Variants in CADM2 observed in about 807,000 individuals in gnomAD.
The protein encoded by CADM2 is immunoglobulin superfamily member 4D.
CADM2 carries 12 observed loss-of-function variants against 49.8 expected under a neutral mutation model. The observed-to-expected ratio is 0.24, with a 90% CI of 0.15 to 0.39. The LOEUF (loss-of-function observed/expected upper bound fraction) is 0.39. Among genes scored for constraint, CADM2 ranks in the 10% least tolerant of loss-of-function variants. The probability of loss-of-function intolerance (pLI) is 1.00; values close to 1 mark genes in which losing one functional copy is unlikely to be tolerated. For missense variants in CADM2, 378 were observed against 492.3 expected (o/e 0.77, Z 2.20); for synonymous variants, 214 against 175.4 (o/e 1.22, Z -1.74).
intron 1 of CADM2, among the ~76,000 whole-genome samples, chr3:85,034,788 TGC>T (rs368678362): frequency 1.2e-3 from 180 of 145,570 alleles, no homozygotes; most frequent in African/African-American, 4.5e-3. Context: ...AAAGACATTT[TGC>T]TTTTTTTTTT....
chr3:85,203,207 C>A (rs1475036233), intron 1 of CADM2, among the ~76,000 whole-genome samples: 1 of 152,178 alleles, frequency 6.6e-6, no homozygotes, highest in African/African-American at 2.4e-5. Context: ...CAGCTTTCAG[C>A]CTAACTCGGC....
chr3:85,864,872 A>C (rs1009226219), intron 3 of CADM2, among the ~76,000 whole-genome samples: 1 of 152,108 alleles, frequency 6.6e-6, no homozygotes, highest in Non-Finnish European at 1.5e-5. Context: ...TCTTTTTGCT[A>C]TCTTTTTTCT....
At chr3:85,616,079 G>A (rs1430902865) in intron 1 of CADM2, among the ~76,000 whole-genome samples, 1 of 151,990 alleles carries the variant, frequency 6.6e-6, no homozygotes, top group Middle Eastern at 3.4e-3. Flanking sequence ...TGAATTGAAA[G>A]AGCCTCGAGG....
intron 1 of CADM2, among the ~76,000 whole-genome samples, chr3:85,277,708 T>C (rs531357448): frequency 7.3e-5 from 11 of 151,488 alleles, no homozygotes; most frequent in African/African-American, 2.7e-4. Context: ...TGGTGAGACT[T>C]CTCTTATCTG....
In CADM2 at chr3:85,568,445, T is replaced by TTCTCTTTCTCTC. The variant is rs1181706633; in HGVS notation, c.62-158074_62-158073insCTTTCTCTCTCT. Among the ~76,000 whole-genome samples, 11 of 33,082 alleles carry TTCTCTTTCTCTC rather than the reference T, an allele frequency of 3.3e-4. 1 individual carries two copies. Among genetic ancestry groups the TTCTCTTTCTCTC allele is most frequent in the Non-Finnish European group, 4.8e-4 (8 of 16,658 alleles). The allele number at this position is 33,082 out of a possible 152,430, so 21.7% of individuals were successfully genotyped here. A position where few individuals can be genotyped will look rare whatever the true frequency, so the allele number is the denominator to read the frequency against. On this transcript the variant is annotated intron_variant, in intron 1 of 9. Coordinates refer to ENST00000383699, the MANE Select transcript of CADM2 (RefSeq NM_001167675.2). The stretch of plus-strand genomic sequence containing the variant: ...TTTCTTTCTTTCTTTCTTTCTTTCT[T>TTCTCTTTCTCTC]TCTTTCTTTCTTTCTTTCTCTTTCT...
intron 3 of CADM2, among the ~76,000 whole-genome samples, chr3:85,878,404 A>T (rs1226851534): frequency 6.6e-6 from 1 of 152,140 alleles, no homozygotes; most frequent in African/African-American, 2.4e-5. Flanking sequence ...GTTTTTAATT[A>T]GTCAAGGCTG....
chr3:85,697,248 A>C (rs1417140121), intron 1 of CADM2, among the ~76,000 whole-genome samples: 1 of 151,900 alleles, frequency 6.6e-6, no homozygotes, highest in East Asian at 1.9e-4. Flanking sequence ...TCTTTCAGGA[A>C]GTGTCATGAA....
At chr3:85,866,707 A>C (rs1171343554) in intron 3 of CADM2, among the ~76,000 whole-genome samples, 1 of 152,014 alleles carries the variant, frequency 6.6e-6, no homozygotes, top group Non-Finnish European at 1.5e-5. Context: ...TATAAAAAAG[A>C]ATTCAATTTT....
At chr3:85,107,793 C>T (rs531583278) in intron 1 of CADM2, among the ~76,000 whole-genome samples, 8 of 149,112 alleles carry the variant, frequency 5.4e-5, no homozygotes, top group African/African-American at 9.9e-5. Flanking sequence ...TCTTGCCTCT[C>T]GGGTTCAGCC....
intron 1 of CADM2, among the ~76,000 whole-genome samples, chr3:85,509,494 A>G (rs2040513763): frequency 6.6e-6 from 1 of 152,150 alleles, no homozygotes; most frequent in Admixed American, 6.5e-5. Flanking sequence ...AAAAATAGGT[A>G]TACACACAAT....
At chr3:85,589,481 T>A in intron 1 of CADM2, among the ~76,000 whole-genome samples, 1 of 151,990 alleles carries the variant, frequency 6.6e-6, no homozygotes, top group Non-Finnish European at 1.5e-5. Flanking sequence ...ACTCCCTGTC[T>A]CAGAATTGTT....
intron 1 of CADM2, among the ~76,000 whole-genome samples, chr3:85,249,119 GTGT>G (rs2042718826): frequency 6.6e-6 from 1 of 151,978 alleles, no homozygotes; most frequent in Non-Finnish European, 1.5e-5. Context: ...ACAAAATAAG[GTGT>G]TGTTACCAAA....
At chr3:85,509,172 T>C (rs928712407) in intron 1 of CADM2, among the ~76,000 whole-genome samples, 3 of 152,150 alleles carry the variant, frequency 2.0e-5, no homozygotes, top group Non-Finnish European at 4.4e-5. Flanking sequence ...AGAGCTGAAC[T>C]AAAACTTACC....
chr3:85,821,021 G>T (rs942321141), intron 3 of CADM2, among the ~76,000 whole-genome samples: 3 of 152,174 alleles, frequency 2.0e-5, no homozygotes, highest in Admixed American at 2.0e-4. Flanking sequence ...TTGTCCTGCA[G>T]TTACAAGTTG....
At chr3:85,121,683 CTTCA>C (rs1481416115) in intron 1 of CADM2, among the ~76,000 whole-genome samples, 8 of 152,032 alleles carry the variant, frequency 5.3e-5, no homozygotes, top group Non-Finnish European at 8.8e-5. Context: ...TATTACCTAT[CTTCA>C]TTCATCAGTA....
chr3:85,262,778 G>A (rs1364791379), intron 1 of CADM2, among the ~76,000 whole-genome samples: 2 of 151,912 alleles, frequency 1.3e-5, no homozygotes, highest in Non-Finnish European at 2.9e-5. Context: ...TCAAATTTGA[G>A]TTGCCGCATC....
intron 1 of CADM2, among the ~76,000 whole-genome samples, chr3:85,371,034 G>A (rs968297711): frequency 3.9e-5 from 6 of 152,008 alleles, no homozygotes; most frequent in African/African-American, 1.4e-4. Flanking sequence ...GGTGTATAAC[G>A]TGTTGTGTTA....
chr3:86,049,768 A>G (rs1415626801), intron 8 of CADM2, among the ~76,000 whole-genome samples: 1 of 152,084 alleles, frequency 6.6e-6, no homozygotes, highest in African/African-American at 2.4e-5. Flanking sequence ...ATGAGAACTC[A>G]CTCACTATCA....
At chr3:85,369,040 C>T (rs2033005097) in intron 1 of CADM2, among the ~76,000 whole-genome samples, 1 of 152,152 alleles carries the variant, frequency 6.6e-6, no homozygotes, top group Non-Finnish European at 1.5e-5. Context: ...TGATTTCTTT[C>T]TTCTTATGTC....
Sources: allele counts gnomAD v4.1 joint callset (sites outside exome capture counted in the v4.1 genomes callset), GRCh38; gene constraint gnomAD v4.1.1; transcripts MANE v1.5; gene names NCBI Gene and HGNC (gene_info 2026-07-23, HGNC 2026-07-21).